Variants in SLC39A10 observed in about 807,000 individuals in gnomAD.
SLC39A10 encodes solute carrier family 39 member 10, also known as zinc transporter ZIP10.
SLC39A10 carries 13 observed loss-of-function variants against 65.1 expected under a neutral mutation model. The observed-to-expected ratio is 0.20, with a 90% CI of 0.13 to 0.32. The LOEUF is 0.32. Among genes scored for constraint, SLC39A10 ranks in the 10% least tolerant of loss-of-function variants. The pLI is 1.00. For missense variants in SLC39A10, 831 were observed against 1,018.4 expected (o/e 0.82, Z 2.50); for synonymous variants, 321 against 342.2 (o/e 0.94, Z 0.68).
At chr2:195,672,282 C>G (rs535847370) in intron 1 of SLC39A10, among the ~76,000 whole-genome samples, 41 of 152,110 alleles carry the variant, frequency 2.7e-4, no homozygotes, top group African/African-American at 9.6e-4. Flanking sequence ...AGGCATACAC[C>G]ACCACACCAG....
intron 1 of SLC39A10, among the ~76,000 whole-genome samples, chr2:195,676,022 AC>A (rs1468602064): frequency 6.6e-6 from 1 of 152,068 alleles, no homozygotes; most frequent in African/African-American, 2.4e-5. Flanking sequence ...TTGCTGTTTT[AC>A]CAACCTGTTT....
chr2:195,665,575 AATTT>A (rs1305534188), intron 1 of SLC39A10, among the ~76,000 whole-genome samples: 1 of 152,166 alleles, frequency 6.6e-6, no homozygotes, highest in Non-Finnish European at 1.5e-5. Flanking sequence ...TGTCAACTAA[AATTT>A]AATTTATAAT....
chr2:195,731,360 A>G (rs1341846793), intron 9 of SLC39A10, among the ~76,000 whole-genome samples: 1 of 152,096 alleles, frequency 6.6e-6, no homozygotes, highest in Non-Finnish European at 1.5e-5. Context: ...CTTATCTAAA[A>G]TTTAAATCTC....
chr2:195,667,610 C>T (rs1488541108), intron 1 of SLC39A10, among the ~76,000 whole-genome samples: 3 of 152,246 alleles, frequency 2.0e-5, no homozygotes, highest in Non-Finnish European at 4.4e-5. Flanking sequence ...CATAATACTA[C>T]ATCTAATAAT....
intron 1 of SLC39A10, among the ~76,000 whole-genome samples, chr2:195,666,816 T>C (rs1559023500): frequency 6.6e-6 from 1 of 152,222 alleles, no homozygotes; most frequent in African/African-American, 2.4e-5. Context: ...ATAAACATTT[T>C]AGTAGCTTCA....
chr2:195,696,731 A>G (rs1690977194), intron 3 of SLC39A10, among the ~76,000 whole-genome samples: 1 of 152,092 alleles, frequency 6.6e-6, no homozygotes, highest in East Asian at 1.9e-4. Context: ...ATTTATGTCA[A>G]CAGTATGTTA....
upstream of SLC39A10, among the ~76,000 whole-genome samples, chr2:195,653,934 T>C (rs1190253193): frequency 1.3e-5 from 2 of 152,134 alleles, no homozygotes; most frequent in African/African-American, 4.8e-5. Context: ...CGTGTTCTTT[T>C]TTTTGTTTGT....
rs779109275 is a variant in SLC39A10, at chr2:195,680,659, G to C, written c.617G>C (p.Arg206Pro). 1.2e-6 allele frequency: 2 copies of C among 1,614,072 alleles called. No homozygotes were observed. Among genetic ancestry groups the C allele is most frequent in the Admixed American group, 3.3e-5 (2 of 60,010 alleles). Residue 206 changes from arginine to proline, a missense_variant, in exon 2 of 10, where the codon CGT becomes CCT. Arg to Pro is a moderately radical substitution (Grantham distance 103, BLOSUM62 -2). Around this residue, in one of 4 missense-constraint regions of SLC39A10, gnomAD observed 446 missense variants for 499.2 expected, o/e 0.89. Transcript: ENST00000359634. The stretch of plus-strand genomic sequence containing the variant: ...AATGATTCCATTACTCCCAGTGAGC[G>C]TGGGGAGCCTAGCAATGAACCTTCA... Reference protein sequence around the residue: ...FHNDSITPSERGEPSNEPSTE... With the variant: ...FHNDSITPSEPGEPSNEPSTE...
intron 2 of SLC39A10, among the ~76,000 whole-genome samples, chr2:195,615,214 C>T (rs958056383): frequency 2.0e-5 from 3 of 152,122 alleles, no homozygotes; most frequent in African/African-American, 7.2e-5. Context: ...CTGGAGATAT[C>T]ATCACAATGC....
At chr2:195,719,791 G>GT (rs796609144) in intron 8 of SLC39A10, among the ~76,000 whole-genome samples, 401 of 131,434 alleles carry the variant, frequency 3.1e-3, no homozygotes, top group African/African-American at 5.0e-3. Context: ...GCTAATTTTT[G>GT]TTTTTTTTTT....
At position 195,708,699 on chromosome 2, in the gene SLC39A10, A is replaced by C; in HGVS notation, c.1430A>C (p.His477Pro). The C allele has an allele frequency of 6.2e-7, 1 of 1,612,664 alleles. No individual in the cohort carries two copies. The highest frequency in any genetic ancestry group is 2.2e-5 in the East Asian group (1 of 44,784). The change falls in exon 5 of 10, where the codon CAT (histidine) becomes CCT (proline). Residue 477 changes from histidine to proline, a missense_variant. By Grantham distance (77) the His-to-Pro change is moderately conservative. Coordinates refer to ENST00000359634, the MANE Select transcript of SLC39A10 (RefSeq NM_020342.3). ...HDHSHQHAHG[H>P]GHSHGHESNK... is the part of the protein sequence containing the mutation. ...CACAGTCACCAACATGCACATGGGC[A>C]TGGACATTCTCATGGACATGAATCT...
chr2:195,667,998 A>C lies in SLC39A10; in HGVS notation c.-12+10717A>C, dbSNP rs543546376. Among the ~76,000 whole-genome samples, 7 of 152,356 alleles carry C rather than the reference A, an allele frequency of 4.6e-5. No homozygotes were observed. In the East Asian group the frequency reaches 1.3e-3, roughly 29 times the overall value. On this transcript the variant is annotated intron_variant, in intron 1 of 9. Transcript: ENST00000359634. ...AAATTAACAGTCCCACTTTATAAGTAGTAATAAGACTTAAAGTGGTTAAGG... is the reference window on the plus strand; with the variant it reads ...AAATTAACAGTCCCACTTTATAAGTCGTAATAAGACTTAAAGTGGTTAAGG...
At chr2:195,661,197 G>T (rs1407523659) in intron 1 of SLC39A10, among the ~76,000 whole-genome samples, 1 of 151,820 alleles carries the variant, frequency 6.6e-6, no homozygotes, top group African/African-American at 2.4e-5. Flanking sequence ...TAAGGTTTTA[G>T]GTTTTATTTA....
chr2:195,684,676 A>G (rs1288323174), intron 3 of SLC39A10, among the ~76,000 whole-genome samples: 5 of 151,812 alleles, frequency 3.3e-5, no homozygotes, highest in Non-Finnish European at 5.9e-5. Context: ...AGTTAAAGCT[A>G]TCTCTTCAGT....
chr2:195,682,695 C>G (rs1054822247), intron 2 of SLC39A10, among the ~76,000 whole-genome samples: 2 of 151,928 alleles, frequency 1.3e-5, no homozygotes, highest in African/African-American at 4.8e-5. Context: ...GTGAGGTTTG[C>G]ATTATTAGAC....
Position 195,683,887 on chromosome 2 carries a change from G to C in SLC39A10, c.1197G>C (p.Glu399Asp). Residue 399 changes from glutamate (E) to aspartate (D), a missense_variant, in exon 3 of 10, where the codon GAG becomes GAC. Glu to Asp is a conservative substitution (Grantham distance 45). Transcript: ENST00000359634. Reference sequence around the variant, plus strand: ...ATAAAAACCTGGTTCCTGAAGATGAGGCAAATATAGGGGCATCAGGTAAGA... The same window carrying C: ...ATAAAAACCTGGTTCCTGAAGATGACGCAAATATAGGGGCATCAGGTAAGA... ...NKDKNLVPED[E>D]ANIGASAWIC... 2 of 1,611,962 alleles carry C rather than the reference G, an allele frequency of 1.2e-6. No homozygotes were observed. Among genetic ancestry groups the C allele is most frequent in the Non-Finnish European group, 1.7e-6 (2 of 1,179,014 alleles).
intron 1 of SLC39A10, among the ~76,000 whole-genome samples, chr2:195,670,709 G>A (rs1193461457): frequency 6.6e-6 from 1 of 152,108 alleles, no homozygotes; most frequent in Non-Finnish European, 1.5e-5. Flanking sequence ...CTACAGTTAT[G>A]TTAGATGTTA....
upstream of SLC39A10, among the ~76,000 whole-genome samples, chr2:195,652,069 T>C (rs1305005734): frequency 6.6e-6 from 1 of 152,156 alleles, no homozygotes; most frequent in African/African-American, 2.4e-5. Context: ...CGATGTACAT[T>C]GGTTTGGTCC....
chr2:195,619,705 G>A (rs1245759698), intron 2 of SLC39A10, among the ~76,000 whole-genome samples: 4 of 152,016 alleles, frequency 2.6e-5, no homozygotes, highest in African/African-American at 9.7e-5. Context: ...GAATGAACTT[G>A]CAAATGGAGC....
Sources: gnomAD v4.1 joint callset for allele counts (sites outside exome capture counted in the v4.1 genomes callset) on GRCh38, gnomAD v4.1.1 for gene constraint, gnomAD v4.1.1 regional missense constraint, MANE v1.5 for transcripts, NCBI Gene and HGNC (gene_info 2026-07-23, HGNC 2026-07-21) for gene names.